The following ACSL6 variants were observed in gnomAD, a reference collection of about 807,000 sequenced individuals.
The protein encoded by ACSL6 is long-chain-fatty-acid--CoA ligase 6.
ACSL6 carries 47 observed loss-of-function variants against 98.2 expected under a neutral mutation model. That is an observed-to-expected ratio of 0.48 (90% CI 0.38 to 0.61). ACSL6 has a LOEUF of 0.61. Among genes scored for constraint, ACSL6 ranks in the 20% least tolerant of loss-of-function variants. ACSL6 has a pLI of 0.00. For synonymous variants in ACSL6, 362 were observed against 336.9 expected, an observed-to-expected ratio of 1.07 and a Z score of -0.82; for missense variants, 761 against 913.4, an observed-to-expected ratio of 0.83 and a Z score of 2.15.
At chr5:131,981,344 A>AC (rs1491087472) in intron 9 of ACSL6, among the ~76,000 whole-genome samples, 158 of 151,332 alleles carry the variant, frequency 1.0e-3, no homozygotes, top group African/African-American at 3.7e-3. Flanking sequence ...AAAAAAAAAA[A>AC]ACACAACTTT....
intron 7 of ACSL6, among the ~76,000 whole-genome samples, chr5:131,987,513 G>A (rs1236042030): frequency 6.6e-6 from 1 of 152,216 alleles, no homozygotes; most frequent in African/African-American, 2.4e-5. Flanking sequence ...GCATAGTGGG[G>A]GGTCAGCTGC....
chr5:131,953,569 C>T lies in ACSL6; in HGVS notation c.*665G>A, dbSNP rs928825893. 3 of 188,728 alleles carry T rather than the reference C, an allele frequency of 1.6e-5. No individual in the cohort carries two copies. Among genetic ancestry groups the T allele is most frequent in the Non-Finnish European group, 3.3e-5 (3 of 89,780 alleles). The allele number at this position is 188,728 out of a possible 1,614,324, so 11.7% of individuals were successfully genotyped here. ...GCAATGAGCCATGATTAAGCCACTG[C>T]ACTCCAGCCTAGGTGACAGAGCAGA... On this transcript the variant is annotated 3_prime_UTR_variant, in exon 21 of 21. Coordinates refer to ENST00000651883, the MANE Select transcript of ACSL6 (RefSeq NM_001009185.3).
Position 132,001,055 on chromosome 5 carries a change from G to A in ACSL6, c.50-6804C>T, listed in dbSNP as rs573923597. Among the ~76,000 whole-genome samples the A allele has an allele frequency of 3.9e-5, 6 of 152,220 alleles. No individual in the cohort carries two copies. The South Asian group carries it at 8.3e-4, about 21-fold the overall frequency. ...AATGAACGAATATCTGAGCACCCCC[G>A]ATCAGCCCACAAAGTCACTTCACCT... On this transcript the variant is annotated intron_variant, in intron 1 of 20. Transcript: ENST00000651883.
chr5:131,976,657 T>C lies in ACSL6; in HGVS notation c.981A>G (p.Lys327=). ...ATGCTACTTTATTCACCTCTGTCACTTTCAGAAAGCCTGAGAAATCAGCCA... is the reference window on the plus strand; with the variant it reads ...ATGCTACTTTATTCACCTCTGTCACCTTCAGAAAGCCTGAGAAATCAGCCA... The part of the protein sequence containing the change: ...NVVADFSGFL[K]VTEKVIFPRQ... The change falls in exon 10 of 21, where the codon AAA becomes AAG. Residue 327 remains lysine, a synonymous_variant. Coordinates refer to ENST00000651883, the MANE Select transcript of ACSL6 (RefSeq NM_001009185.3). The C allele has an allele frequency of 6.2e-7, 1 of 1,614,168 alleles. No homozygotes were observed. The highest frequency in any genetic ancestry group is 1.1e-5 in the South Asian group (1 of 91,084).
At chr5:131,989,286 C>A (rs1324925575) in intron 5 of ACSL6, 121 bp downstream of exon 5, 26 of 983,318 alleles carry the variant, frequency 2.6e-5, no homozygotes, top group Non-Finnish European at 3.9e-5. Flanking sequence ...GGTGGCATAG[C>A]CCAAGGGTCT....
At chr5:131,988,926 G>C in intron 5 of ACSL6, 22 bp from the exon 6 acceptor site, 1 of 1,601,278 alleles carries the variant, frequency 6.2e-7, no homozygotes, top group Non-Finnish European at 8.6e-7. Context: ...CATGAGGCGG[G>C]GGTGGGGAAG....
intron 2 of ACSL6, chr5:131,993,335 G>A (rs1754624863): frequency 6.5e-6 from 1 of 154,180 alleles, no homozygotes; most frequent in South Asian, 2.0e-4. Context: ...TCACGGCCAG[G>A]ACAGAGCATT....
At chr5:131,996,667 T>A (rs1454839415) in intron 1 of ACSL6, among the ~76,000 whole-genome samples, 1 of 152,248 alleles carries the variant, frequency 6.6e-6, no homozygotes, top group Non-Finnish European at 1.5e-5. Context: ...TTGCATATTG[T>A]GGCATTCGGT....
chr5:131,976,778 G>A, intron 9 of ACSL6, 57 bp from the exon 10 acceptor site: 2 of 1,477,206 alleles, frequency 1.4e-6, no homozygotes, highest in South Asian at 1.1e-5. Context: ...CACTTCTTGA[G>A]AGCAGTGCCC....
At chr5:132,012,020 G>T, upstream of ACSL6, 2 of 1,420,744 alleles carry the variant, frequency 1.4e-6, no homozygotes, top group Non-Finnish European at 1.9e-6. Flanking sequence ...ACGCGACCCT[G>T]CCCCCGCGCG....
intron 11 of ACSL6, chr5:131,973,661 C>A: frequency 2.9e-6 from 1 of 345,068 alleles, no homozygotes; most frequent in Non-Finnish European, 5.4e-6. Context: ...CCAAAGCAGC[C>A]ATTCTCACTG....
At chr5:132,002,211 T>C (rs1472007504) in intron 1 of ACSL6, among the ~76,000 whole-genome samples, 1 of 152,196 alleles carries the variant, frequency 6.6e-6, no homozygotes, top group Non-Finnish European at 1.5e-5. Context: ...GGCCCTCCTG[T>C]GCAGGAAGCC....
chr5:131,970,150 G>A lies in ACSL6; in HGVS notation c.1485C>T (p.Thr495=). ...QTECTAGCTF[T]TPGDWTSGHV... is the part of the protein sequence containing the mutation. ...TACCTGAGGTCCAGTCGCCAGGAGT[G>A]GTGAAGGTACATCCAGCTGTGCACT... The change falls in exon 15 of 21, where the codon ACC becomes ACT. Residue 495 remains threonine (T), a synonymous_variant. Coordinates refer to ENST00000651883, the MANE Select transcript of ACSL6 (RefSeq NM_001009185.3). 6.2e-7 allele frequency: 1 copy of A among 1,614,116 alleles called. No homozygotes were observed. Among genetic ancestry groups the A allele is most frequent in the Non-Finnish European group, 8.5e-7 (1 of 1,180,028 alleles).
intron 9 of ACSL6, among the ~76,000 whole-genome samples, chr5:131,978,559 G>A (rs185337621): frequency 1.3e-5 from 2 of 152,274 alleles, no homozygotes; most frequent in African/African-American, 4.8e-5. Context: ...CTCGGGAAAG[G>A]AAGGAGTCTC....
intron 2 of ACSL6, 148 bp from the exon 3 acceptor site, chr5:131,991,115 T>C (rs1207304721): frequency 1.5e-6 from 1 of 665,028 alleles, no homozygotes; most frequent in African/African-American, 1.8e-5. Flanking sequence ...CGCGTACACA[T>C]GGACTACACA....
intron 8 of ACSL6, among the ~76,000 whole-genome samples, chr5:131,986,202 C>A (rs1391748398): frequency 1.3e-5 from 2 of 152,168 alleles, no homozygotes; most frequent in African/African-American, 4.8e-5. Context: ...AGGAGATGGG[C>A]AAACACCAGG....
At chr5:131,966,233 G>A (rs569050278) in intron 17 of ACSL6, among the ~76,000 whole-genome samples, 183 bp downstream of exon 17, 1 of 152,132 alleles carries the variant, frequency 6.6e-6, no homozygotes, top group Non-Finnish European at 1.5e-5. Flanking sequence ...TTCATGAGAC[G>A]GAGTGAGAAG....
At chr5:132,005,828 G>A (rs774195432) in intron 1 of ACSL6, among the ~76,000 whole-genome samples, 1 of 152,196 alleles carries the variant, frequency 6.6e-6, no homozygotes, top group Non-Finnish European at 1.5e-5. Flanking sequence ...TGCTGAGAGT[G>A]AGGCGGGGTC....
intron 5 of ACSL6, 36 bp downstream of exon 5, chr5:131,989,371 C>G (rs373238333): frequency 6.3e-7 from 1 of 1,594,590 alleles, no homozygotes; most frequent in Non-Finnish European, 8.6e-7. Context: ...CCCTACCCCA[C>G]GAATCCCTCT....
Sources: gnomAD v4.1 joint callset for allele counts (sites outside exome capture counted in the v4.1 genomes callset) on GRCh38, gnomAD v4.1.1 for gene constraint, MANE v1.5 for transcripts, NCBI Gene and HGNC (gene_info 2026-07-23, HGNC 2026-07-21) for gene names.